The following RAB33A variants were observed in gnomAD, a reference collection of about 807,000 sequenced individuals.
RAB33A encodes the protein RAB33A, member RAS oncogene family.
Under a neutral mutation model 12.0 loss-of-function variants are expected in RAB33A, and 6 were observed. The observed-to-expected ratio is 0.50, with a 90% CI of 0.27 to 0.99. The LOEUF (loss-of-function observed/expected upper bound fraction) is 0.99. RAB33A is among the 50% of genes least tolerant of loss of function. RAB33A has a pLI of 0.11. For synonymous variants in RAB33A, 70 were observed against 82.4 expected (o/e 0.85, Z 0.81); for missense variants, 109 against 192.0 (o/e 0.57, Z 2.55).
At chrX:130,122,132 A>G in the RAB33A span, among the ~76,000 whole-genome samples, 38 of 111,982 alleles carry the variant, frequency 3.4e-4, no homozygotes, top group African/African-American at 1.1e-3. Flanking sequence ...GGGTTTTCAT[A>G]CCACCCCCTT....
the RAB33A span, among the ~76,000 whole-genome samples, chrX:130,151,398 CA>C: frequency 9.0e-6 from 1 of 111,171 alleles, no homozygotes; most frequent in Non-Finnish European, 1.9e-5. Context: ...CTTGGCCTCC[CA>C]AAGTGCTGGG....
chrX:130,111,429 G>T, the RAB33A span, among the ~76,000 whole-genome samples: 5 of 113,019 alleles, frequency 4.4e-5, no homozygotes, highest in Non-Finnish European at 9.4e-5. Context: ...AGCTCCTGGG[G>T]TGTGCAGGCC....
At chrX:130,150,937 C>T in the RAB33A span, among the ~76,000 whole-genome samples, 1 of 82,419 alleles carries the variant, frequency 1.2e-5, no homozygotes, top group Non-Finnish European at 2.2e-5. Context: ...GAGATCACAT[C>T]ACTGCACTCC....
At chrX:130,136,944 A>C in the RAB33A span, 1 of 1,154,044 alleles carries the variant, frequency 8.7e-7, no homozygotes. Context: ...AACTTAGCTG[A>C]CTGGAGAATG....
At chrX:130,174,739 G>C (rs1026857952) in intron 1 of RAB33A, among the ~76,000 whole-genome samples, 1 of 111,472 alleles carries the variant, frequency 9.0e-6, no homozygotes, top group Middle Eastern at 4.2e-3. Flanking sequence ...CTCAGTCTAA[G>C]AGCAAGGGTG....
the RAB33A span, among the ~76,000 whole-genome samples, chrX:130,142,930 C>T: frequency 8.9e-6 from 1 of 112,212 alleles, no homozygotes; most frequent in Admixed American, 9.5e-5. Context: ...CGCCAAATCT[C>T]ACAGTGCATT....
At chrX:130,147,339 T>C in the RAB33A span, among the ~76,000 whole-genome samples, 1 of 112,035 alleles carries the variant, frequency 8.9e-6, no homozygotes. Context: ...TTGTAGACTG[T>C]TATCTCTAAG....
the RAB33A span, among the ~76,000 whole-genome samples, chrX:130,121,248 TTTTC>T: frequency 8.4e-5 from 9 of 107,273 alleles, 1 homozygote; most frequent in South Asian, 2.7e-3. Context: ...TTTTCTTTTC[TTTTC>T]TTTTTTTTTT....
chrX:130,151,574 T>C, the RAB33A span, among the ~76,000 whole-genome samples: 5 of 112,180 alleles, frequency 4.5e-5, no homozygotes, highest in South Asian at 1.8e-3. Context: ...ACAAATGAAG[T>C]AGAAAGTTAA....
the RAB33A span, among the ~76,000 whole-genome samples, chrX:130,144,353 AGT>A: frequency 9.0e-6 from 1 of 111,689 alleles, no homozygotes; most frequent in Admixed American, 9.5e-5. Flanking sequence ...ACAGCTCCCC[AGT>A]GCAGAAAAAG....
At chrX:130,133,304 C>T in the RAB33A span, 1 of 1,208,190 alleles carries the variant, frequency 8.3e-7, no homozygotes, top group Non-Finnish European at 1.1e-6. Flanking sequence ...CAAGGCACAC[C>T]ACTATTACCA....
upstream of RAB33A, among the ~76,000 whole-genome samples, chrX:130,171,078 G>C (rs2031599884): frequency 8.8e-6 from 1 of 113,089 alleles, no homozygotes; most frequent in South Asian, 3.6e-4. Flanking sequence ...GTGTGATAAG[G>C]GGATGTTGGC....
the RAB33A span, among the ~76,000 whole-genome samples, chrX:130,130,765 G>A: frequency 1.8e-5 from 2 of 111,820 alleles, no homozygotes; most frequent in Admixed American, 1.9e-4. Flanking sequence ...ACTTCCATTT[G>A]GAAAAACCAT....
chrX:130,159,310 GTTC>G, the RAB33A span, among the ~76,000 whole-genome samples: 2 of 112,225 alleles, frequency 1.8e-5, no homozygotes, highest in Admixed American at 9.4e-5. Flanking sequence ...TTTCTTTACT[GTTC>G]TTCTTACCTG....
chrX:130,153,352 CAA>C, the RAB33A span, among the ~76,000 whole-genome samples: 101 of 42,857 alleles, frequency 2.4e-3, no homozygotes, highest in African/African-American at 7.4e-3. Context: ...GACTCCGTTT[CAA>C]AAAAAAAAAA....
At chrX:130,119,403 G>T in the RAB33A span, among the ~76,000 whole-genome samples, 1 of 112,255 alleles carries the variant, frequency 8.9e-6, no homozygotes, top group African/African-American at 3.2e-5. Flanking sequence ...GGTCACCTAG[G>T]GGGGCTTGGG....
At chrX:130,182,606 T>C (rs756105891) in intron 1 of RAB33A, among the ~76,000 whole-genome samples, 2 of 108,208 alleles carry the variant, frequency 1.8e-5, no homozygotes, top group South Asian at 8.2e-4. Flanking sequence ...AATATAAAAT[T>C]AGCCGGGCGT....
At chrX:130,163,304 CAA>C in the RAB33A span, among the ~76,000 whole-genome samples, 607 of 66,790 alleles carry the variant, frequency 9.1e-3, 1 homozygote, top group Middle Eastern at 0.015. Flanking sequence ...GACTCCGCCT[CAA>C]AAAAAAAAAA....
chrX:130,167,120 C>T (rs1020870354), upstream of RAB33A, among the ~76,000 whole-genome samples: 2 of 111,919 alleles, frequency 1.8e-5, no homozygotes, highest in African/African-American at 6.5e-5. Flanking sequence ...TAGTAAAATT[C>T]AAACAGTAGA....
Sources: allele counts gnomAD v4.1 joint callset (sites outside exome capture counted in the v4.1 genomes callset), GRCh38; gene constraint gnomAD v4.1.1; transcripts MANE v1.5; gene names NCBI Gene and HGNC (gene_info 2026-07-23, HGNC 2026-07-21).